Variants in RASAL2 observed in about 807,000 individuals in gnomAD.
RASAL2 encodes ras GTPase-activating protein nGAP.
Under a neutral mutation model 128.9 loss-of-function variants are expected in RASAL2, and 58 were observed. The observed-to-expected ratio is 0.45, with a 90% CI of 0.36 to 0.56. RASAL2 has a LOEUF of 0.56. Ranked by LOEUF, RASAL2 falls within the 20% of genes least tolerant of loss-of-function variation. RASAL2 has a pLI of 0.00. For synonymous variants in RASAL2, 561 were observed against 580.8 expected, an observed-to-expected ratio of 0.97 and a Z score of 0.49; for missense variants, 1,360 against 1,601.6, an observed-to-expected ratio of 0.85 and a Z score of 2.57.
chr1:178,370,699 T>C (rs1281432762), intron 3 of RASAL2, among the ~76,000 whole-genome samples: 41 of 152,168 alleles, frequency 2.7e-4, no homozygotes, highest in Admixed American at 2.7e-3. Context: ...CATCTAAAAC[T>C]TCAGTTAATA....
chr1:178,234,048 C>A (rs760384175), intron 1 of RASAL2, among the ~76,000 whole-genome samples: 52 of 152,178 alleles, frequency 3.4e-4, no homozygotes, highest in Middle Eastern at 3.4e-3. Flanking sequence ...CTTCAGAAAC[C>A]TTTTAATGAC....
At chr1:178,226,406 G>A (rs1458643682) in intron 1 of RASAL2, among the ~76,000 whole-genome samples, 1 of 152,080 alleles carries the variant, frequency 6.6e-6, no homozygotes, top group Non-Finnish European at 1.5e-5. Flanking sequence ...AATTTACTAA[G>A]GATAAAAGCC....
At chr1:178,241,379 G>A (rs952534555) in intron 1 of RASAL2, among the ~76,000 whole-genome samples, 1 of 152,136 alleles carries the variant, frequency 6.6e-6, no homozygotes, top group Non-Finnish European at 1.5e-5. Flanking sequence ...TCTCTTTCAC[G>A]TGTGTTGCTA....
At chr1:178,186,492 G>GTA (rs1366787428) in intron 1 of RASAL2, among the ~76,000 whole-genome samples, 2 of 152,100 alleles carry the variant, frequency 1.3e-5, no homozygotes, top group East Asian at 3.9e-4. Context: ...TTTTTGAAGG[G>GTA]TATGGTATGT....
intron 3 of RASAL2, among the ~76,000 whole-genome samples, chr1:178,366,964 C>T (rs182961655): frequency 6.6e-6 from 1 of 152,168 alleles, no homozygotes; most frequent in East Asian, 1.9e-4. Flanking sequence ...GTTTCTTTTA[C>T]AGGCCATGAA....
In RASAL2 at chr1:178,392,451, C is replaced by T. The variant is rs1215738988; in HGVS notation, c.564+2245C>T. On this transcript the variant is annotated intron_variant, in intron 4 of 17. Transcript: ENST00000367649. Reference sequence around the variant, plus strand: ...GGGCAAAAATCGCAGGTGAGAAGGCCGGAAAGGTAGGTGGGGGCAAGACTG... The same window carrying T: ...GGGCAAAAATCGCAGGTGAGAAGGCTGGAAAGGTAGGTGGGGGCAAGACTG... Among the ~76,000 whole-genome samples, 4 of 152,090 alleles carry T rather than the reference C, an allele frequency of 2.6e-5. No individual in the cohort carries two copies. The East Asian group carries it at 5.8e-4, about 22-fold the overall frequency.
chr1:178,295,632 G>T (rs1557883209), intron 2 of RASAL2, among the ~76,000 whole-genome samples: 1 of 152,130 alleles, frequency 6.6e-6, no homozygotes. Context: ...TCAGTCGGAG[G>T]CTTGTTAAAA....
intron 1 of RASAL2, among the ~76,000 whole-genome samples, chr1:178,112,756 G>GT (rs1233116832): frequency 1.7e-5 from 2 of 114,860 alleles, no homozygotes; most frequent in East Asian, 6.3e-4. Flanking sequence ...CTGTTGTGGG[G>GT]TGGGGGGAGG....
At chr1:178,355,279 T>C (rs945888836) in intron 3 of RASAL2, among the ~76,000 whole-genome samples, 1 of 152,174 alleles carries the variant, frequency 6.6e-6, no homozygotes, top group African/African-American at 2.4e-5. Flanking sequence ...GTATTAGTGT[T>C]AGAAATAGAC....
At chr1:178,180,485 C>CAAAAAAAAAA (rs71108033) in intron 1 of RASAL2, among the ~76,000 whole-genome samples, 15 of 72,540 alleles carry the variant, frequency 2.1e-4, no homozygotes, top group African/African-American at 7.3e-4. Context: ...TCATCTCTAC[C>CAAAAAAAAAA]AAAAAAAAAA....
chr1:178,243,511 G>A (rs1664616580), intron 1 of RASAL2, among the ~76,000 whole-genome samples: 1 of 151,876 alleles, frequency 6.6e-6, no homozygotes, highest in South Asian at 2.1e-4. Context: ...AGATCTGGAG[G>A]GGAAGAAGAA....
Position 178,283,590 on chromosome 1 carries a change from C to CT in RASAL2, c.230dup (p.Ser78ValfsTer74), listed in dbSNP as rs760935063. ...TGTGAAAGGACCACCCACCCACCGT[C>CT]TGTCTTGTGGTCAGTCACCCTACAC... On this transcript the variant is annotated frameshift_variant, in exon 2 of 18. Transcript: ENST00000367649. LOFTEE classifies it high-confidence loss of function. 3.1e-6 allele frequency: 5 copies of CT among 1,613,622 alleles called. No homozygotes were observed. Among genetic ancestry groups the CT allele is most frequent in the Non-Finnish European group, 4.2e-6 (5 of 1,179,842 alleles).
chr1:178,188,509 A>G (rs1322950664), intron 1 of RASAL2, among the ~76,000 whole-genome samples: 1 of 152,210 alleles, frequency 6.6e-6, no homozygotes, highest in African/African-American at 2.4e-5. Flanking sequence ...CAAGTTCAGT[A>G]TCGGTCACTT....
chr1:178,423,581 G>A (rs527762019), intron 5 of RASAL2, among the ~76,000 whole-genome samples: 36 of 152,144 alleles, frequency 2.4e-4, no homozygotes, highest in Non-Finnish European at 3.8e-4. Context: ...AAACTGAGAC[G>A]CAGAGAAATT....
intron 3 of RASAL2, among the ~76,000 whole-genome samples, chr1:178,378,593 A>G (rs939633398): frequency 6.6e-6 from 1 of 152,270 alleles, no homozygotes; most frequent in East Asian, 1.9e-4. Flanking sequence ...TGCATTCTCT[A>G]ATAACAGTTG....
At position 178,467,428 on chromosome 1, in the gene RASAL2, A is replaced by G; in HGVS notation, c.3678+7A>G. 6.2e-7 allele frequency: 1 copy of G among 1,611,416 alleles called. No individual in the cohort carries two copies. Among genetic ancestry groups the G allele is most frequent in the Non-Finnish European group, 8.5e-7 (1 of 1,177,550 alleles). ...GAAAATAATTGATGCACAGGTAAGCAGGCTTTGAATCTAATAGAAGGCACT... is the reference window on the plus strand; with the variant it reads ...GAAAATAATTGATGCACAGGTAAGCGGGCTTTGAATCTAATAGAAGGCACT... On this transcript the variant is annotated splice_region_variant and intron_variant, in intron 17 of 17. Transcript: ENST00000367649.
At chr1:178,102,985 G>A (rs1309268525) in intron 1 of RASAL2, among the ~76,000 whole-genome samples, 1 of 152,204 alleles carries the variant, frequency 6.6e-6, no homozygotes, top group Admixed American at 6.5e-5. Context: ...ATATTTCTGT[G>A]AGGTTAGTGA....
chr1:178,237,719 G>A (rs963036726), intron 1 of RASAL2, among the ~76,000 whole-genome samples: 5 of 152,058 alleles, frequency 3.3e-5, no homozygotes, highest in African/African-American at 4.8e-5. Context: ...TATTGTGATA[G>A]CATGCACATA....
At chr1:178,326,032 A>G (rs891783670) in intron 3 of RASAL2, among the ~76,000 whole-genome samples, 4 of 152,178 alleles carry the variant, frequency 2.6e-5, no homozygotes, top group African/African-American at 7.2e-5. Context: ...TTGATTCTAC[A>G]TATAGCTATG....
Sources: gnomAD v4.1 joint callset for allele counts (sites outside exome capture counted in the v4.1 genomes callset) on GRCh38, gnomAD v4.1.1 for gene constraint, MANE v1.5 for transcripts, NCBI Gene and HGNC (gene_info 2026-07-23, HGNC 2026-07-21) for gene names.